EHBP1L1: variants seen among roughly 807,000 people sequenced by gnomAD.
The protein encoded by EHBP1L1 is EH domain-binding protein 1-like protein 1.
In EHBP1L1, 122 loss-of-function variants were observed where a neutral mutation model predicts 151.1. The ratio of observed to expected loss-of-function variants is 0.81; its 90% CI spans 0.70 to 0.94. The LOEUF (loss-of-function observed/expected upper bound fraction) is 0.94. Ranked by LOEUF, EHBP1L1 falls within the 40% of genes least tolerant of loss-of-function variation. EHBP1L1 has a pLI of 0.00. For synonymous variants in EHBP1L1, 878 were observed against 810.1 expected, an observed-to-expected ratio of 1.08 and a Z score of -1.42; for missense variants, 1,941 against 1,959.8, an observed-to-expected ratio of 0.99 and a Z score of 0.18.
At chr11:65,589,898 G>A in intron 13 of EHBP1L1, 38 bp from the exon 14 acceptor site, 1 of 1,532,958 alleles carries the variant, frequency 6.5e-7, no homozygotes, top group Non-Finnish European at 8.8e-7. Context: ...GGGGTGGGTG[G>A]TGGTTAGGGG....
chr11:65,580,149 G>T lies in EHBP1L1; in HGVS notation c.381G>T (p.Val127=). 6.2e-7 allele frequency: 1 copy of T among 1,613,648 alleles called. No individual in the cohort carries two copies. Among genetic ancestry groups the T allele is most frequent in the East Asian group, 2.2e-5 (1 of 44,876 alleles). The change falls in exon 5 of 19, where the codon GTG becomes GTT. Residue 127 remains valine (V), a synonymous_variant. Coordinates refer to ENST00000309295, the MANE Select transcript of EHBP1L1 (RefSeq NM_001099409.3). ...EVDLARHAGP[V]PVQVPVRLRL... Reference sequence around the variant, plus strand: ...ACCTGGCCCGCCATGCAGGGCCCGTGCCTGTCCAAGTCCCAGTGAGGCTGC... The same window carrying T: ...ACCTGGCCCGCCATGCAGGGCCCGTTCCTGTCCAAGTCCCAGTGAGGCTGC...
chr11:65,578,574 C>T (rs553801397), intron 1 of EHBP1L1, among the ~76,000 whole-genome samples: 4 of 152,302 alleles, frequency 2.6e-5, no homozygotes, highest in South Asian at 4.1e-4. Context: ...TTGTCCTCAC[C>T]GGAAAGGTCT....
chr11:65,587,646 C>G (rs538990257), intron 12 of EHBP1L1, among the ~76,000 whole-genome samples: 1 of 152,236 alleles, frequency 6.6e-6, no homozygotes, highest in Non-Finnish European at 1.5e-5. Flanking sequence ...TTTCTAGAAG[C>G]CCTGCAGCTC....
At chr11:65,589,665 C>G (rs1482192580) in intron 12 of EHBP1L1, 86 bp from the exon 13 acceptor site, 1 of 1,443,858 alleles carries the variant, frequency 6.9e-7, no homozygotes, top group African/African-American at 1.4e-5. Context: ...GACCCCTCCT[C>G]CCCTCTGTAT....
Position 65,582,252 on chromosome 11 carries a change from C to G in EHBP1L1, c.1580C>G (p.Pro527Arg), listed in dbSNP as rs1279210010. 1 of 1,526,908 alleles carries G rather than the reference C, an allele frequency of 6.5e-7. No homozygotes were observed. The highest frequency in any genetic ancestry group is 8.8e-7 in the Non-Finnish European group (1 of 1,142,224). 94.6% of individuals were successfully genotyped at this position (1,526,908 alleles called of 1,614,324 possible). Residue 527 changes from proline to arginine, a missense_variant, in exon 9 of 19, where the codon CCT (proline) becomes CGT (arginine). Pro to Arg is a moderately radical substitution (Grantham distance 103, BLOSUM62 -2). Transcript: ENST00000309295. Reference protein sequence around the residue: ...GIEGTGLEQGPSVGAISTRPQ... With the variant: ...GIEGTGLEQGRSVGAISTRPQ... ...GAGGGGACAGGCCTGGAGCAGGGCC[C>G]TTCTGTTGGAGCAATAAGCACCAGG...
chr11:65,585,732 G>C lies in EHBP1L1; in HGVS notation c.3933+141G>C. ...GGTTTCAGAGTGGCGGGGCTCGGCT[G>C]GACCCAGGAGGGGCTATCTGATCAG... On this transcript the variant is annotated intron_variant, in intron 12 of 18. Coordinates refer to ENST00000309295, the MANE Select transcript of EHBP1L1 (RefSeq NM_001099409.3). This position sits in a 1 kb window ranked among gnomAD's most constrained non-coding sequence, Gnocchi z 4.0. 1 of 1,341,428 alleles carries C rather than the reference G, an allele frequency of 7.5e-7. No individual in the cohort carries two copies. The highest frequency in any genetic ancestry group is 1.0e-6 in the Non-Finnish European group (1 of 992,896). 83.1% of individuals were successfully genotyped at this position (1,341,428 alleles called of 1,614,324 possible).
At chr11:65,579,261 T>C in intron 2 of EHBP1L1, 80 bp from the exon 3 acceptor site, 3 of 1,446,532 alleles carry the variant, frequency 2.1e-6, no homozygotes, top group Non-Finnish European at 2.8e-6. Context: ...GAGGGGAAGA[T>C]GGTGTCAAGG....
intron 12 of EHBP1L1, among the ~76,000 whole-genome samples, chr11:65,586,121 C>T (rs774446462): frequency 6.6e-6 from 1 of 152,230 alleles, no homozygotes; most frequent in Non-Finnish European, 1.5e-5. Context: ...TGGCGTACAT[C>T]TTTAACCCCA....
In EHBP1L1 at chr11:65,585,041, T is replaced by A; in HGVS notation, c.3383T>A (p.Leu1128His). ...DMVLLSVPDK[L>H]IVMTYLCQIR... ...GTGCTACTGTCGGTGCCCGACAAGCTCATCGTCATGACGTACCTGTGCCAG... is the reference window on the plus strand; with the variant it reads ...GTGCTACTGTCGGTGCCCGACAAGCACATCGTCATGACGTACCTGTGCCAG... Residue 1128 changes from leucine (L) to histidine (H), a missense_variant, in exon 12 of 19, where the codon CTC becomes CAC. Transcript: ENST00000309295. This position sits in a 1 kb window ranked among gnomAD's most constrained non-coding sequence, Gnocchi z 4.0. The A allele has an allele frequency of 6.5e-7, 1 of 1,539,206 alleles. No homozygotes were observed. The highest frequency in any genetic ancestry group is 8.7e-7 in the Non-Finnish European group (1 of 1,149,250).
At position 65,590,490 on chromosome 11, in the gene EHBP1L1, C is replaced by G. The variant is rs1216170968; in HGVS notation, c.4184-3C>G. 1 of 1,612,776 alleles carries G rather than the reference C, an allele frequency of 6.2e-7. No homozygotes were observed. Among genetic ancestry groups the G allele is most frequent in the Non-Finnish European group, 8.5e-7 (1 of 1,179,698 alleles). On this transcript the variant is annotated splice_region_variant and splice_polypyrimidine_tract_variant and intron_variant, in intron 15 of 18. Coordinates refer to ENST00000309295, the MANE Select transcript of EHBP1L1 (RefSeq NM_001099409.3). ...GCCTGGTGACTGTCCCTGTCCAATGCAGGTGCCAACAAGCTGCAGGAGGAG... is the reference window on the plus strand; with the variant it reads ...GCCTGGTGACTGTCCCTGTCCAATGGAGGTGCCAACAAGCTGCAGGAGGAG...
intron 18 of EHBP1L1, 26 bp from the exon 19 acceptor site, chr11:65,592,177 C>G: frequency 6.3e-7 from 1 of 1,593,536 alleles, no homozygotes; most frequent in Non-Finnish European, 8.5e-7. Context: ...CCCAACGGAG[C>G]GCTGACTCGA....
In EHBP1L1 at chr11:65,580,323, C is replaced by G; in HGVS notation, c.492-14C>G. 1 of 1,613,648 alleles carries G rather than the reference C, an allele frequency of 6.2e-7. No homozygotes were observed. The highest frequency in any genetic ancestry group is 8.5e-7 in the Non-Finnish European group (1 of 1,179,780). On this transcript the variant is annotated splice_polypyrimidine_tract_variant and intron_variant, in intron 5 of 18. Coordinates refer to ENST00000309295, the MANE Select transcript of EHBP1L1 (RefSeq NM_001099409.3). Reference sequence around the variant, plus strand: ...CCTCTGACTCCACCCTCACCTTTAACCTCTGCCTCCCAGGGACGATGACAT... The same window carrying G: ...CCTCTGACTCCACCCTCACCTTTAAGCTCTGCCTCCCAGGGACGATGACAT...
At chr11:65,590,254 A>G (rs1230889670) in intron 15 of EHBP1L1, 44 bp downstream of exon 15, 2 of 1,605,968 alleles carry the variant, frequency 1.2e-6, no homozygotes, top group Admixed American at 1.7e-5. Flanking sequence ...ACATGCCACT[A>G]GGTCTGTCCA....
intron 6 of EHBP1L1, chr11:65,580,798 C>T (rs1857559471): frequency 1.1e-6 from 1 of 892,312 alleles, no homozygotes; most frequent in South Asian, 2.0e-5. Flanking sequence ...TGATCCCTCA[C>T]CACCAGCCCT....
Position 65,584,032 on chromosome 11 carries a change from C to T in EHBP1L1, c.3094-209C>T, listed in dbSNP as rs771074816. 547 of 1,412,094 alleles carry T rather than the reference C, an allele frequency of 3.9e-4. 1 individual carries two copies. Among genetic ancestry groups the T allele is most frequent in the Middle Eastern group, 3.4e-3 (13 of 3,822 alleles). 87.5% of individuals were successfully genotyped at this position (1,412,094 alleles called of 1,614,324 possible). A position where few individuals can be genotyped will look rare whatever the true frequency, so the allele number is the denominator to read the frequency against. On this transcript the variant is annotated intron_variant, in intron 9 of 18. Transcript: ENST00000309295. Reference sequence around the variant, plus strand: ...GGCTGCTGGTGACCTCTGATCTTGTCTGGGGGCCACTGACCTTTTAGGTGA... The same window carrying T: ...GGCTGCTGGTGACCTCTGATCTTGTTTGGGGGCCACTGACCTTTTAGGTGA...
At chr11:65,584,822 T>C in intron 11 of EHBP1L1, 137 bp from the exon 12 acceptor site, 1 of 1,224,768 alleles carries the variant, frequency 8.2e-7, no homozygotes, top group Non-Finnish European at 1.1e-6. Flanking sequence ...TGGATTTCCC[T>C]CGCTAGGAGG....
In EHBP1L1 at chr11:65,585,476, CCTT is replaced by C. The variant is rs765178855; in HGVS notation, c.3821_3823del (p.Phe1274del). 2.8e-5 allele frequency: 43 copies of C among 1,539,184 alleles called. No individual in the cohort carries two copies. In the South Asian group the frequency reaches 4.5e-4, roughly 16 times the overall value. ...GTGCCCCCGCCCCGCGCGCACGGCT[CCTT>C]CTCCCACGTGCGCGACGCGGACCTG... On this transcript the variant is annotated inframe_deletion, in exon 12 of 19. Transcript: ENST00000309295. This position sits in a 1 kb window ranked among gnomAD's most constrained non-coding sequence, Gnocchi z 4.0.
chr11:65,582,757 G>T lies in EHBP1L1; in HGVS notation c.2085G>T (p.Gln695His), dbSNP rs745485758. The T allele has an allele frequency of 4.3e-6, 7 of 1,613,642 alleles. No individual in the cohort carries two copies. The South Asian group carries it at 7.7e-5, about 18-fold the overall frequency. ...CACTGAAGATAGAAGATACAATACA[G>T]TCTGAGATGCTGGGGACCCAGGAGA... ...LGPLKIEDTI[Q>H]SEMLGTQETE... Residue 695 changes from glutamine (Q) to histidine (H), a missense_variant, in exon 9 of 19, where the codon CAG (glutamine) becomes CAT (histidine). Transcript: ENST00000309295.
Position 65,589,981 on chromosome 11 carries a change from A to C in EHBP1L1, c.4049A>C (p.Glu1350Ala), listed in dbSNP as rs773566041. 1.3e-6 allele frequency: 2 copies of C among 1,596,542 alleles called. No individual in the cohort carries two copies. The highest frequency in any genetic ancestry group is 1.7e-6 in the Non-Finnish European group (2 of 1,168,186). Residue 1350 changes from glutamate (E) to alanine (A), a missense_variant, in exon 14 of 19, where the codon GAG becomes GCG. Physicochemically the swap from Glu to Ala is moderately radical, Grantham distance 107 (BLOSUM62 -1). Transcript: ENST00000309295. ...SEEPPPSPGE[E>A]AGLQRFQDTS... ...GAACCACCCCCAAGCCCAGGGGAGG[A>C]GGCTGGGCTGGTAAGGAGGGCTAAG...
Sources: gnomAD v4.1 joint callset for allele counts (sites outside exome capture counted in the v4.1 genomes callset) on GRCh38, gnomAD v4.1.1 for gene constraint, Gnocchi (gnomAD v3.1) non-coding constraint, MANE v1.5 for transcripts, NCBI Gene and HGNC (gene_info 2026-07-23, HGNC 2026-07-21) for gene names.